P2RX3: variants seen among roughly 807,000 people sequenced by gnomAD.
P2RX3 encodes purinergic receptor P2X 3.
A neutral mutation model predicts 51.5 loss-of-function variants in P2RX3; 41 were observed. The observed-to-expected ratio is 0.80, with a 90% CI of 0.62 to 1.03. P2RX3 has a LOEUF of 1.03. P2RX3 is among the 50% of genes least tolerant of loss of function. P2RX3 has a pLI of 0.00. For missense variants in P2RX3, 459 were observed against 522.1 expected, an observed-to-expected ratio of 0.88 and a Z score of 1.18; for synonymous variants, 185 against 191.6, an observed-to-expected ratio of 0.97 and a Z score of 0.29.
intron 7 of P2RX3, 67 bp from the exon 8 acceptor site, chr11:57,350,684 TCCACCCCACCC>T: frequency 6.4e-7 from 1 of 1,563,478 alleles, no homozygotes; most frequent in Non-Finnish European, 8.7e-7. Context: ...TGTCACCACC[TCCACCCCACCC>T]CCACCCTGGC....
chr11:57,342,048 C>G (rs1856348919), intron 1 of P2RX3, among the ~76,000 whole-genome samples: 1 of 151,936 alleles, frequency 6.6e-6, no homozygotes, highest in Admixed American at 6.6e-5. Context: ...TCCATCCTCT[C>G]AGCCCAGGGT....
chr11:57,365,375 C>T (rs1376935203), intron 8 of P2RX3, among the ~76,000 whole-genome samples: 1 of 152,232 alleles, frequency 6.6e-6, no homozygotes, highest in African/African-American at 2.4e-5. Flanking sequence ...TTCCCAGAAC[C>T]TGAACAAAAG....
upstream of P2RX3, among the ~76,000 whole-genome samples, chr11:57,337,440 TA>T (rs542576170): frequency 2.6e-4 from 37 of 144,224 alleles, no homozygotes; most frequent in East Asian, 2.0e-4. Context: ...AAGTGACAGT[TA>T]AAAAAAAAAG....
At chr11:57,338,952 C>T (rs1218863658) in intron 1 of P2RX3, among the ~76,000 whole-genome samples, 2 of 152,192 alleles carry the variant, frequency 1.3e-5, no homozygotes, top group Non-Finnish European at 2.9e-5. Context: ...TGCCCTCCAC[C>T]GAGGGAGGGC....
chr11:57,363,977 T>C (rs571124552), intron 8 of P2RX3, among the ~76,000 whole-genome samples: 22 of 152,354 alleles, frequency 1.4e-4, no homozygotes, highest in African/African-American at 5.0e-4. Context: ...TTTTTCTCCC[T>C]GTTCCCTTCA....
chr11:57,369,586 C>A, intron 11 of P2RX3, 148 bp downstream of exon 11: 1 of 771,172 alleles, frequency 1.3e-6, no homozygotes, highest in South Asian at 1.8e-5. Context: ...CAAGGGAAGG[C>A]TTGGCCAAGA....
In P2RX3 at chr11:57,350,860, T is replaced by C. The variant is rs1022513041; in HGVS notation, c.804T>C (p.Val268=). ...ACTCCTTCACCCGGCTCGACAGCGT[T>C]TCTGAGAAAAGCAGCGTGTCCCCAG... The part of the protein sequence containing the change: ...PKYSFTRLDS[V]SEKSSVSPGY... Residue 268 remains valine, a synonymous_variant, in exon 8 of 12, where the codon GTT becomes GTC. Transcript: ENST00000263314. The C allele has an allele frequency of 6.2e-7, 1 of 1,614,116 alleles. No homozygotes were observed. The highest frequency in any genetic ancestry group is 8.5e-7 in the Non-Finnish European group (1 of 1,180,022).
chr11:57,346,528 T>C lies in P2RX3; in HGVS notation c.120-16T>C, dbSNP rs1438206569. On this transcript the variant is annotated splice_polypyrimidine_tract_variant and intron_variant, in intron 1 of 11. Transcript: ENST00000263314. ...GGACTCCTCTCTTTCTCTTCATTTA[T>C]GCTCTCCTGCCCCAGGTGGGTTTTC... 2.5e-6 allele frequency: 4 copies of C among 1,613,358 alleles called. No individual in the cohort carries two copies. Among genetic ancestry groups the C allele is most frequent in the Non-Finnish European group, 3.4e-6 (4 of 1,179,700 alleles).
At chr11:57,342,486 G>A (rs1856359353) in intron 1 of P2RX3, among the ~76,000 whole-genome samples, 1 of 151,832 alleles carries the variant, frequency 6.6e-6, no homozygotes, top group Non-Finnish European at 1.5e-5. Flanking sequence ...CAGTCATCCT[G>A]GTCCAGAGAG....
intron 8 of P2RX3, among the ~76,000 whole-genome samples, chr11:57,352,786 C>G (rs1856567853): frequency 6.6e-6 from 1 of 152,114 alleles, no homozygotes; most frequent in South Asian, 2.1e-4. Flanking sequence ...TTTGGGGAGG[C>G]AGGACGGAAT....
At chr11:57,338,818 G>A in intron 1 of P2RX3, 149 bp downstream of exon 1, 1 of 580,302 alleles carries the variant, frequency 1.7e-6, no homozygotes, top group Non-Finnish European at 3.1e-6. Flanking sequence ...CTTAAAGACT[G>A]GCCTCTGCCA....
intron 6 of P2RX3, among the ~76,000 whole-genome samples, chr11:57,349,234 G>A (rs1181522578): frequency 6.6e-6 from 1 of 151,710 alleles, no homozygotes; most frequent in Non-Finnish European, 1.5e-5. Context: ...AGGCCGAGAA[G>A]GGTGGATCAC....
At chr11:57,366,249 T>C (rs970902749) in intron 8 of P2RX3, among the ~76,000 whole-genome samples, 3 of 152,200 alleles carry the variant, frequency 2.0e-5, no homozygotes, top group African/African-American at 7.2e-5. Context: ...GAAAGACTGA[T>C]GCGATTTGAA....
At chr11:57,349,247 G>C (rs1429214776) in intron 6 of P2RX3, among the ~76,000 whole-genome samples, 1 of 151,516 alleles carries the variant, frequency 6.6e-6, no homozygotes, top group East Asian at 1.9e-4. Flanking sequence ...TGGATCACGA[G>C]GTCAGGAGTT....
chr11:57,361,003 T>C (rs909577320), intron 8 of P2RX3, among the ~76,000 whole-genome samples: 10 of 152,058 alleles, frequency 6.6e-5, no homozygotes, highest in Non-Finnish European at 1.5e-4. Context: ...GTGAGGTAAA[T>C]ACTCCAGGAT....
chr11:57,355,111 C>A (rs1023174683), intron 8 of P2RX3, among the ~76,000 whole-genome samples: 21 of 152,146 alleles, frequency 1.4e-4, no homozygotes, highest in African/African-American at 5.1e-4. Flanking sequence ...CAGGGCAGGG[C>A]GAGGAAGGGA....
rs767341122 is a variant in P2RX3, at chr11:57,349,849, G to A, written c.656G>A (p.Gly219Glu). 5.0e-6 allele frequency: 8 copies of A among 1,614,228 alleles called. 1 individual carries two copies. In the South Asian group the frequency reaches 8.8e-5, roughly 18 times the overall value. ...CCTTTCTGCCCCATCTTGCGGGTAG[G>A]GGACGTGGTCAAGTTTGCGGGGCAG... is the stretch of plus-strand genomic sequence containing the variant. ...KDPFCPILRV[G>E]DVVKFAGQDF... The change falls in exon 7 of 12, where the codon GGG becomes GAG. Residue 219 changes from glycine to glutamate, a missense_variant. Gly to Glu is a moderately conservative substitution (Grantham distance 98). Coordinates refer to ENST00000263314, the MANE Select transcript of P2RX3 (RefSeq NM_002559.5).
chr11:57,349,838 C>A lies in P2RX3; in HGVS notation c.645C>A (p.Ile215=). The A allele has an allele frequency of 1.2e-6, 2 of 1,614,268 alleles. No individual in the cohort carries two copies. Among genetic ancestry groups the A allele is most frequent in the Non-Finnish European group, 1.7e-6 (2 of 1,180,050 alleles). Residue 215 remains isoleucine (I), a synonymous_variant, in exon 7 of 12, where the codon ATC becomes ATA. Coordinates refer to ENST00000263314, the MANE Select transcript of P2RX3 (RefSeq NM_002559.5). ...FHPDKDPFCP[I]LRVGDVVKFA... ...CGGACAAGGACCCTTTCTGCCCCAT[C>A]TTGCGGGTAGGGGACGTGGTCAAGT...
Position 57,369,952 on chromosome 11 carries a change from G to A in P2RX3, c.1149G>A (p.Ala383=), listed in dbSNP as rs373872175. 1.7e-5 allele frequency: 27 copies of A among 1,613,910 alleles called. No homozygotes were observed. Among genetic ancestry groups the A allele is most frequent in the Middle Eastern group, 1.6e-4 (1 of 6,084 alleles). Residue 383 remains alanine, a synonymous_variant, in exon 12 of 12, where the codon GCG becomes GCA. Coordinates refer to ENST00000263314, the MANE Select transcript of P2RX3 (RefSeq NM_002559.5). ...TGTACCCCAGCGACCAGACCACAGC[G>A]GAGAAGCAGTCCACCGATTCGGGGG... ...NPVYPSDQTT[A]EKQSTDSGAF... is the part of the protein sequence containing the mutation.
Sources: gnomAD v4.1 joint callset for allele counts (sites outside exome capture counted in the v4.1 genomes callset) on GRCh38, gnomAD v4.1.1 for gene constraint, MANE v1.5 for transcripts, NCBI Gene and HGNC (gene_info 2026-07-23, HGNC 2026-07-21) for gene names.